The following NLK variants were observed in gnomAD, a reference collection of about 807,000 sequenced individuals.
NLK encodes serine/threonine-protein kinase NLK.
Under a neutral mutation model 59.0 loss-of-function variants are expected in NLK, and 11 were observed. That is an observed-to-expected ratio of 0.19 (90% CI 0.12 to 0.31). The LOEUF (loss-of-function observed/expected upper bound fraction) is 0.31, where lower values mean the gene tolerates loss of function less well. Ranked by LOEUF, NLK falls within the 10% of genes least tolerant of loss-of-function variation. The pLI, the probability that NLK is intolerant of heterozygous loss-of-function variation, is 1.00. For synonymous variants in NLK, 235 were observed against 235.9 expected (o/e 1.00, Z 0.03); for missense variants, 410 against 661.1 (o/e 0.62, Z 4.16).
At chr17:28,049,889 A>G (rs898184875) in intron 1 of NLK, among the ~76,000 whole-genome samples, 6 of 152,176 alleles carry the variant, frequency 3.9e-5, no homozygotes, top group Admixed American at 2.0e-4. Context: ...CTGAGGCAGG[A>G]TAATCACTTG....
intron 8 of NLK, among the ~76,000 whole-genome samples, chr17:28,188,602 T>C (rs1175536621): frequency 6.6e-6 from 1 of 152,104 alleles, no homozygotes; most frequent in Non-Finnish European, 1.5e-5. Context: ...CTCAGCCTCC[T>C]GAATAGCTGG....
chr17:28,091,659 A>G (rs1904498978), intron 1 of NLK, among the ~76,000 whole-genome samples: 1 of 152,168 alleles, frequency 6.6e-6, no homozygotes, highest in Admixed American at 6.6e-5. Context: ...GTTTCTTTAG[A>G]ATGTCATGAC....
intron 1 of NLK, among the ~76,000 whole-genome samples, chr17:28,086,862 TA>T (rs200449008): frequency 4.0e-5 from 6 of 149,422 alleles, no homozygotes; most frequent in Admixed American, 1.3e-4. Flanking sequence ...CCTCATCTCT[TA>T]AAAAAAAATA....
At chr17:28,069,638 T>C (rs1909942433) in intron 1 of NLK, among the ~76,000 whole-genome samples, 1 of 152,222 alleles carries the variant, frequency 6.6e-6, no homozygotes, top group Non-Finnish European at 1.5e-5. Context: ...CTAATGATGT[T>C]TGCCACATTT....
chr17:28,197,468 CAA>C (rs1158938151), downstream of NLK, among the ~76,000 whole-genome samples: 39 of 84,642 alleles, frequency 4.6e-4, no homozygotes, highest in African/African-American at 8.7e-4. Context: ...GATTCTGTCT[CAA>C]AAAAAAAAAA....
At chr17:28,198,354 G>T (rs896175712), downstream of NLK, among the ~76,000 whole-genome samples, 2 of 150,920 alleles carry the variant, frequency 1.3e-5, no homozygotes, top group Non-Finnish European at 3.0e-5. Flanking sequence ...TTTGAGGCAG[G>T]TCTCTGTCAC....
At chr17:28,172,687 A>C in intron 7 of NLK, 69 bp downstream of exon 7, 4 of 828,658 alleles carry the variant, frequency 4.8e-6, no homozygotes, top group Non-Finnish European at 7.0e-6. Flanking sequence ...CAATAGAGTA[A>C]TCTATTAAGG....
chr17:28,177,181 G>A (rs1908716791), intron 7 of NLK, among the ~76,000 whole-genome samples: 1 of 152,074 alleles, frequency 6.6e-6, no homozygotes, highest in East Asian at 1.9e-4. Flanking sequence ...GGAGGAGGTG[G>A]AAGGAGAGGC....
Position 28,159,261 on chromosome 17 carries a change from T to G in NLK, c.645-1899T>G, listed in dbSNP as rs1053173539. ...CCATTTTAAGGACTGGCTTTTACTC[T>G]TAAATGAAATGGAAAGCTTTTGCAG... On this transcript the variant is annotated intron_variant, in intron 3 of 10. Coordinates refer to ENST00000407008, the MANE Select transcript of NLK (RefSeq NM_016231.5). Among the ~76,000 whole-genome samples, 78 of 152,346 alleles carry G rather than the reference T, an allele frequency of 5.1e-4. 1 individual carries two copies. Among genetic ancestry groups the G allele is most frequent in the African/African-American group, 1.8e-3 (76 of 41,586 alleles).
At chr17:28,150,222 C>T (rs1446045806) in intron 3 of NLK, among the ~76,000 whole-genome samples, 1 of 152,154 alleles carries the variant, frequency 6.6e-6, no homozygotes, top group Admixed American at 6.5e-5. Context: ...CACATAGTAG[C>T]TTCAAGTAAA....
At chr17:28,189,697 C>G (rs1334946718) in intron 8 of NLK, among the ~76,000 whole-genome samples, 1 of 152,132 alleles carries the variant, frequency 6.6e-6, no homozygotes, top group Non-Finnish European at 1.5e-5. Flanking sequence ...GAACACTATC[C>G]CAGTGGAATC....
intron 1 of NLK, among the ~76,000 whole-genome samples, chr17:28,109,025 G>C (rs1276725560): frequency 2.6e-5 from 4 of 152,064 alleles, no homozygotes; most frequent in South Asian, 2.1e-4. Context: ...AAAAAAAGTA[G>C]CCGGGCATGG....
chr17:28,050,112 G>A (rs1909196606), intron 1 of NLK, among the ~76,000 whole-genome samples: 1 of 152,216 alleles, frequency 6.6e-6, no homozygotes, highest in Non-Finnish European at 1.5e-5. Flanking sequence ...ATTTGTAAAT[G>A]GATTATTATA....
downstream of NLK, among the ~76,000 whole-genome samples, chr17:28,198,526 T>C (rs969199241): frequency 9.8e-5 from 15 of 152,294 alleles, no homozygotes; most frequent in East Asian, 2.9e-3. Context: ...GGTTCCACCA[T>C]GTTGGCCAGG....
chr17:28,075,011 C>G (rs1910122185), intron 1 of NLK, among the ~76,000 whole-genome samples: 1 of 152,224 alleles, frequency 6.6e-6, no homozygotes, highest in Non-Finnish European at 1.5e-5. Context: ...ATGTTTCTTA[C>G]AATTGTTTGC....
At chr17:28,047,896 G>T (rs1051519825) in intron 1 of NLK, 5 of 398,090 alleles carry the variant, frequency 1.3e-5, no homozygotes, top group African/African-American at 1.0e-4. Flanking sequence ...AGGGTATTTT[G>T]TTATTAACTG....
At chr17:28,093,005 G>C (rs552174673) in intron 1 of NLK, among the ~76,000 whole-genome samples, 1 of 152,034 alleles carries the variant, frequency 6.6e-6, no homozygotes, top group Admixed American at 6.5e-5. Context: ...ACATTAACCA[G>C]GATGGTCTCG....
the NLK span, among the ~76,000 whole-genome samples, chr17:28,205,908 AAG>A: frequency 1.5e-4 from 23 of 152,318 alleles, no homozygotes; most frequent in African/African-American, 5.1e-4. Flanking sequence ...GAAATTTGAT[AAG>A]AGAGCATTTT....
chr17:28,174,723 A>G (rs1309761596), intron 7 of NLK, among the ~76,000 whole-genome samples: 2 of 152,126 alleles, frequency 1.3e-5, no homozygotes, highest in Non-Finnish European at 2.9e-5. Flanking sequence ...TTTTTGATCT[A>G]TGTTTGCTAG....
Sources: gnomAD v4.1 joint callset for allele counts (sites outside exome capture counted in the v4.1 genomes callset) on GRCh38, gnomAD v4.1.1 for gene constraint, MANE v1.5 for transcripts, NCBI Gene and HGNC (gene_info 2026-07-23, HGNC 2026-07-21) for gene names.